The following FRMD4A variants were observed in gnomAD, a reference collection of about 807,000 sequenced individuals.
FRMD4A encodes the protein FERM domain-containing protein 4A.
Under a neutral mutation model 129.1 loss-of-function variants are expected in FRMD4A, and 29 were observed. The ratio of observed to expected loss-of-function variants is 0.22; its 90% CI spans 0.17 to 0.31. The LOEUF is 0.31. Among genes scored for constraint, FRMD4A ranks in the 10% least tolerant of loss-of-function variants. The pLI is 1.00. For missense variants in FRMD4A, 1,272 were observed against 1,375.8 expected (o/e 0.92, Z 1.19); for synonymous variants, 634 against 571.6 (o/e 1.11, Z -1.56).
At chr10:13,706,749 G>GACACACACACAC (rs3031967) in intron 13 of FRMD4A, among the ~76,000 whole-genome samples, 15,602 of 146,420 alleles carry the variant, frequency 0.11, 1,080 homozygotes, top group East Asian at 0.25. Flanking sequence ...CACATACACT[G>GACACACACACAC]ACACACACAC....
chr10:13,701,231 T>C (rs1160655509), intron 14 of FRMD4A, 109 bp downstream of exon 14: 5 of 967,086 alleles, frequency 5.2e-6, no homozygotes, highest in African/African-American at 3.2e-5. Flanking sequence ...CTGTGCAAGG[T>C]ATGGACCCGG....
chr10:13,954,332 T>A (rs2095394773), intron 2 of FRMD4A, among the ~76,000 whole-genome samples: 1 of 152,074 alleles, frequency 6.6e-6, no homozygotes, highest in South Asian at 2.1e-4. Flanking sequence ...CTCACAATCA[T>A]GGTGGAAGGC....
At chr10:14,062,439 G>A (rs572895170) in intron 2 of FRMD4A, among the ~76,000 whole-genome samples, 1 of 152,140 alleles carries the variant, frequency 6.6e-6, no homozygotes, top group Non-Finnish European at 1.5e-5. Context: ...CATAGTCAGG[G>A]GCTTTGTGGC....
intron 2 of FRMD4A, among the ~76,000 whole-genome samples, chr10:14,298,251 ACAGGTAAATATACAC>A (rs1287249854): frequency 6.6e-6 from 1 of 152,228 alleles, no homozygotes; most frequent in Admixed American, 6.5e-5. Context: ...CATGAATCTG[ACAGGTAAATATACAC>A]CAGTACACCA....
At chr10:14,014,896 TTCCCTCCC>T (rs1176120189) in intron 2 of FRMD4A, among the ~76,000 whole-genome samples, 3 of 151,970 alleles carry the variant, frequency 2.0e-5, no homozygotes, top group Admixed American at 6.5e-5. Context: ...AGATACATTT[TTCCCTCCC>T]TCCCTCCCTT....
chr10:13,751,284 A>T (rs1219995523), intron 8 of FRMD4A, among the ~76,000 whole-genome samples: 1 of 152,144 alleles, frequency 6.6e-6, no homozygotes, highest in Non-Finnish European at 1.5e-5. Context: ...TGAGTTCTCT[A>T]GCTCTGCTCC....
At chr10:13,870,329 C>A (rs1277213173) in intron 2 of FRMD4A, among the ~76,000 whole-genome samples, 1 of 152,250 alleles carries the variant, frequency 6.6e-6, no homozygotes, top group East Asian at 1.9e-4. Flanking sequence ...CTCACCAGAT[C>A]CCTTTTTTTC....
intron 2 of FRMD4A, among the ~76,000 whole-genome samples, chr10:14,051,030 G>T (rs905191165): frequency 6.6e-6 from 1 of 152,212 alleles, no homozygotes; most frequent in African/African-American, 2.4e-5. Context: ...CTTGTGTCCT[G>T]AGCCCTTTAC....
chr10:14,140,545 C>G (rs931527173), intron 2 of FRMD4A, among the ~76,000 whole-genome samples: 7 of 152,194 alleles, frequency 4.6e-5, no homozygotes, highest in Admixed American at 3.9e-4. Flanking sequence ...TTCCACTTAA[C>G]CTCTGAGGCC....
intron 3 of FRMD4A, among the ~76,000 whole-genome samples, chr10:13,813,524 A>G (rs904824817): frequency 6.6e-6 from 1 of 152,234 alleles, no homozygotes; most frequent in African/African-American, 2.4e-5. Flanking sequence ...GGAAGTTGAA[A>G]ATATTGTAAA....
chr10:14,105,121 A>C (rs10796154), intron 2 of FRMD4A, among the ~76,000 whole-genome samples: 95,964 of 152,008 alleles, frequency 0.63, 30,345 homozygotes, highest in East Asian at 0.75. Flanking sequence ...GCATCTCTGG[A>C]GCCAAGCCTG....
In FRMD4A at chr10:14,044,021, G is replaced by C. The variant is rs558711266; in HGVS notation, c.46-185109C>G. On this transcript the variant is annotated intron_variant, in intron 2 of 24. Coordinates refer to ENST00000357447, the MANE Select transcript of FRMD4A (RefSeq NM_018027.5). The stretch of plus-strand genomic sequence containing the variant: ...ATTAAAACTTATTTGTAGAGATGGG[G>C]TCCCACTGTGTTGCCCAGGCTGGTC... Among the ~76,000 whole-genome samples the C allele has an allele frequency of 6.6e-5, 10 of 152,152 alleles. No individual in the cohort carries two copies. The East Asian group carries it at 1.9e-3, about 29-fold the overall frequency.
At chr10:14,275,195 T>G (rs947456450) in intron 2 of FRMD4A, among the ~76,000 whole-genome samples, 2 of 152,194 alleles carry the variant, frequency 1.3e-5, no homozygotes, top group African/African-American at 4.8e-5. Flanking sequence ...AGGAAGCCTC[T>G]CTTGACTCTG....
At chr10:13,712,629 G>A (rs988489814) in intron 12 of FRMD4A, among the ~76,000 whole-genome samples, 6 of 152,160 alleles carry the variant, frequency 3.9e-5, no homozygotes, top group Admixed American at 6.5e-5. Flanking sequence ...GTCTGTCCCT[G>A]TTGTTGGGAC....
chr10:14,060,896 T>C (rs559956999), intron 2 of FRMD4A, among the ~76,000 whole-genome samples: 49 of 152,308 alleles, frequency 3.2e-4, no homozygotes, highest in South Asian at 2.1e-3. Flanking sequence ...AAATTCTGTA[T>C]GGCAAAACCT....
intron 2 of FRMD4A, among the ~76,000 whole-genome samples, chr10:14,137,047 A>G (rs1839575403): frequency 6.6e-6 from 1 of 152,158 alleles, no homozygotes; most frequent in African/African-American, 2.4e-5. Flanking sequence ...GATTATTCCC[A>G]TTCAACAAGA....
chr10:13,756,652 A>C (rs2091876790), intron 8 of FRMD4A, among the ~76,000 whole-genome samples: 1 of 152,230 alleles, frequency 6.6e-6, no homozygotes, highest in Admixed American at 6.5e-5. Context: ...GACGTGAGCC[A>C]CCATGCTTTG....
intron 16 of FRMD4A, among the ~76,000 whole-genome samples, chr10:13,674,162 C>T (rs7087053): frequency 0.11 from 16,442 of 152,096 alleles, 1,905 homozygotes; most frequent in African/African-American, 0.29. Context: ...TGACTATATA[C>T]CAAGTGAGAT....
At chr10:14,011,216 C>G (rs1180544225) in intron 2 of FRMD4A, among the ~76,000 whole-genome samples, 3 of 152,204 alleles carry the variant, frequency 2.0e-5, no homozygotes, top group East Asian at 3.8e-4. Flanking sequence ...ATGGAAAACT[C>G]TGTCTTTGAA....
Sources: allele counts gnomAD v4.1 joint callset (sites outside exome capture counted in the v4.1 genomes callset), GRCh38; gene constraint gnomAD v4.1.1; transcripts MANE v1.5; gene names NCBI Gene and HGNC (gene_info 2026-07-23, HGNC 2026-07-21).